The following NLGN4X variants were observed in gnomAD, a reference collection of about 807,000 sequenced individuals.
NLGN4X encodes neuroligin 4 X-linked.
In NLGN4X, 3 loss-of-function variants were observed where a neutral mutation model predicts 40.3. That is an observed-to-expected ratio of 0.07 (90% CI 0.03 to 0.19). NLGN4X has a LOEUF of 0.19. NLGN4X is among the 10% of genes least tolerant of loss of function. The probability of loss-of-function intolerance (pLI) is 1.00; values close to 1 mark genes in which losing one functional copy is unlikely to be tolerated. For missense variants in NLGN4X, 382 were observed against 708.3 expected (o/e 0.54, Z 5.23); for synonymous variants, 270 against 306.8 (o/e 0.88, Z 1.25).
chrX:6,037,271 A>T (rs1311245122), intron 2 of NLGN4X, among the ~76,000 whole-genome samples: 1 of 108,765 alleles, frequency 9.2e-6, no homozygotes, highest in Non-Finnish European at 1.9e-5. Context: ...GCCCTGCTGC[A>T]CTCCAGCCTG....
intron 3 of NLGN4X, among the ~76,000 whole-genome samples, chrX:5,937,702 C>A: frequency 9.0e-6 from 1 of 111,606 alleles, no homozygotes; most frequent in Admixed American, 9.5e-5. Flanking sequence ...TGGTGCACTG[C>A]TGGTACAAGT....
At chrX:5,921,432 A>AGAGAGAGAGAGAGAGAGAGAGAGG (rs1569131768) in intron 3 of NLGN4X, among the ~76,000 whole-genome samples, 1 of 105,775 alleles carries the variant, frequency 9.5e-6, no homozygotes. Context: ...AGAGAGAGAG[A>AGAGAGAGAGAGAGAGAGAGAGAGG]GAGGAGAGAC....
intron 1 of NLGN4X, among the ~76,000 whole-genome samples, chrX:6,155,454 C>T (rs1336061255): frequency 8.9e-6 from 1 of 111,979 alleles, no homozygotes; most frequent in East Asian, 2.8e-4. Flanking sequence ...TCTTTTGTGT[C>T]TAGTGGAGAC....
At chrX:6,174,644 A>G (rs1308945059) in intron 1 of NLGN4X, among the ~76,000 whole-genome samples, 1 of 112,254 alleles carries the variant, frequency 8.9e-6, no homozygotes, top group Non-Finnish European at 1.9e-5. Flanking sequence ...TCCCTTGCAG[A>G]AACATGGATA....
chrX:5,918,687 T>TCTTTTCTTTTTGCCA (rs2032908532), intron 3 of NLGN4X, among the ~76,000 whole-genome samples: 1 of 112,392 alleles, frequency 8.9e-6, no homozygotes. Flanking sequence ...TTAAGGTTTT[T>TCTTTTCTTTTTGCCA]CTTTTCTTTT....
At chrX:6,056,208 GC>G (rs2037620719) in intron 2 of NLGN4X, among the ~76,000 whole-genome samples, 1 of 111,917 alleles carries the variant, frequency 8.9e-6, no homozygotes, top group African/African-American at 3.2e-5. Flanking sequence ...AGGGGTGGTG[GC>G]TCACACCTGT....
At chrX:5,991,639 C>T in intron 3 of NLGN4X, 1 of 417,289 alleles carries the variant, frequency 2.4e-6, no homozygotes, top group Non-Finnish European at 4.4e-6. Context: ...ATGAAGATTA[C>T]ATCCATCAGT....
At chrX:6,211,928 G>GA (rs908504750) in intron 1 of NLGN4X, among the ~76,000 whole-genome samples, 12 of 109,566 alleles carry the variant, frequency 1.1e-4, no homozygotes, top group East Asian at 5.7e-4. Context: ...TTCACCATAA[G>GA]AAAAAAAAAC....
chrX:6,150,592 C>A (rs2040143032), intron 2 of NLGN4X, among the ~76,000 whole-genome samples: 1 of 111,929 alleles, frequency 8.9e-6, no homozygotes, highest in Admixed American at 9.5e-5. Flanking sequence ...GAACCATTTT[C>A]TCTATCTTTC....
intron 1 of NLGN4X, among the ~76,000 whole-genome samples, chrX:6,161,563 A>C (rs2040400589): frequency 9.4e-6 from 1 of 106,119 alleles, no homozygotes; most frequent in Non-Finnish European, 1.9e-5. Context: ...ATTTGGAGAA[A>C]TACTTTATAT....
At chrX:5,985,439 T>A (rs1282430365) in intron 3 of NLGN4X, among the ~76,000 whole-genome samples, 1 of 110,028 alleles carries the variant, frequency 9.1e-6, no homozygotes, top group African/African-American at 3.3e-5. Flanking sequence ...TTATTTTTTT[T>A]ATTTATTTAT....
chrX:6,008,455 T>C (rs2036161042), intron 3 of NLGN4X, among the ~76,000 whole-genome samples: 1 of 111,983 alleles, frequency 8.9e-6, no homozygotes, highest in African/African-American at 3.2e-5. Context: ...AACATTTTAT[T>C]AGGAGAAAGA....
intron 2 of NLGN4X, among the ~76,000 whole-genome samples, chrX:6,057,416 C>T (rs984404064): frequency 4.5e-5 from 5 of 111,535 alleles, no homozygotes; most frequent in Non-Finnish European, 7.5e-5. Context: ...GATGACCACA[C>T]GGACAGCTGG....
chrX:6,172,892 T>C (rs1488492695), intron 1 of NLGN4X, among the ~76,000 whole-genome samples: 3 of 112,381 alleles, frequency 2.7e-5, no homozygotes, highest in Non-Finnish European at 5.6e-5. Flanking sequence ...CAGGATGGAC[T>C]TGAAGGAGTC....
At chrX:5,949,892 A>C (rs1022055274) in intron 3 of NLGN4X, among the ~76,000 whole-genome samples, 1 of 111,943 alleles carries the variant, frequency 8.9e-6, no homozygotes, top group Non-Finnish European at 1.9e-5. Context: ...TACACCACCC[A>C]GTAAATGCTG....
At chrX:6,093,054 C>CAA (rs10627096) in intron 2 of NLGN4X, among the ~76,000 whole-genome samples, 24,263 of 104,397 alleles carry the variant, frequency 0.23, 2,219 homozygotes, top group Non-Finnish European at 0.26. Context: ...ATGGATAAAG[C>CAA]AAAAAAAAAA....
chrX:6,017,248 G>C lies in NLGN4X; in HGVS notation c.625+12032C>G, dbSNP rs187238570. ...CATTAAAAGTATCAGAAGTGCCAGA[G>C]AAAATGCTTATGACATTTCTGTGGC... On this transcript the variant is annotated intron_variant, in intron 3 of 5. Transcript: ENST00000381095. Among the ~76,000 whole-genome samples the C allele has an allele frequency of 4.8e-3, 535 of 111,825 alleles. 1 individual carries two copies. The highest frequency in any genetic ancestry group is 7.6e-3 in the Non-Finnish European group (406 of 53,121).
intron 2 of NLGN4X, among the ~76,000 whole-genome samples, chrX:6,131,102 T>C (rs1186499292): frequency 9.0e-6 from 1 of 111,331 alleles, no homozygotes; most frequent in Non-Finnish European, 1.9e-5. Flanking sequence ...AGTCTTGCCA[T>C]GCCAATCAAT....
At chrX:6,016,302 G>A (rs1014834862) in intron 3 of NLGN4X, among the ~76,000 whole-genome samples, 2 of 111,753 alleles carry the variant, frequency 1.8e-5, no homozygotes, top group Non-Finnish European at 3.8e-5. Flanking sequence ...GTTTAAGCTG[G>A]TATCATTTCT....
Sources: allele counts gnomAD v4.1 joint callset (sites outside exome capture counted in the v4.1 genomes callset), GRCh38; gene constraint gnomAD v4.1.1; transcripts MANE v1.5; gene names NCBI Gene and HGNC (gene_info 2026-07-23, HGNC 2026-07-21).